BAZ2B: variants seen among roughly 807,000 people sequenced by gnomAD.
BAZ2B encodes bromodomain adjacent to zinc finger domain 2B, also known as bromodomain adjacent to zinc finger domain protein 2B.
A neutral mutation model predicts 246.0 loss-of-function variants in BAZ2B; 91 were observed. The ratio of observed to expected loss-of-function variants is 0.37; its 90% CI spans 0.31 to 0.44. BAZ2B has a LOEUF of 0.44. BAZ2B is among the 20% of genes least tolerant of loss of function. The probability of loss-of-function intolerance (pLI) is 1.00; values close to 1 mark genes in which losing one functional copy is unlikely to be tolerated. For missense variants in BAZ2B, 2,332 were observed against 2,533.7 expected, an observed-to-expected ratio of 0.92 and a Z score of 1.71; for synonymous variants, 855 against 860.0, an observed-to-expected ratio of 0.99 and a Z score of 0.10.
At chr2:159,676,156 G>T in the BAZ2B span, among the ~76,000 whole-genome samples, 1 of 151,570 alleles carries the variant, frequency 6.6e-6, no homozygotes, top group Admixed American at 6.6e-5. Flanking sequence ...GCCTCCCAAA[G>T]CGCTGGGATT....
chr2:159,383,828 A>G (rs2062296014), intron 23 of BAZ2B, 148 bp from the exon 24 acceptor site: 1 of 636,704 alleles, frequency 1.6e-6, no homozygotes. Context: ...ACACGTTCAT[A>G]TATGTATGTG....
intron 13 of BAZ2B, among the ~76,000 whole-genome samples, chr2:159,426,464 A>AT (rs2069903879): frequency 6.6e-6 from 1 of 152,272 alleles, no homozygotes; most frequent in African/African-American, 2.4e-5. Flanking sequence ...TATCGTGTAT[A>AT]CAGAATGTGT....
chr2:159,573,535 C>T (rs1422240609), intron 1 of BAZ2B, among the ~76,000 whole-genome samples: 2 of 152,084 alleles, frequency 1.3e-5, no homozygotes, highest in African/African-American at 4.8e-5. Context: ...ATGACCCAAA[C>T]GTAAGAGGTA....
intron 3 of BAZ2B, among the ~76,000 whole-genome samples, chr2:159,466,507 A>C (rs1367619166): frequency 6.6e-6 from 1 of 152,212 alleles, no homozygotes; most frequent in Non-Finnish European, 1.5e-5. Context: ...AACAACACCA[A>C]ATGTCCAATT....
At chr2:159,669,039 C>T in the BAZ2B span, among the ~76,000 whole-genome samples, 1 of 149,420 alleles carries the variant, frequency 6.7e-6, no homozygotes, top group Non-Finnish European at 1.5e-5. Flanking sequence ...CTGGGCAACA[C>T]AGCAAGAGAC....
chr2:159,360,611 T>A (rs143749311), intron 27 of BAZ2B, among the ~76,000 whole-genome samples: 1 of 152,154 alleles, frequency 6.6e-6, no homozygotes, highest in African/African-American at 2.4e-5. Flanking sequence ...TTAAATTTCA[T>A]ATGGAACCAA....
At chr2:159,534,708 G>A (rs1559714931) in intron 2 of BAZ2B, among the ~76,000 whole-genome samples, 2 of 151,694 alleles carry the variant, frequency 1.3e-5, no homozygotes, top group African/African-American at 4.8e-5. Flanking sequence ...TCAGGTTCAA[G>A]CAATTCTTCT....
At chr2:159,620,119 A>G (rs1196249305), upstream of BAZ2B, among the ~76,000 whole-genome samples, 3 of 152,208 alleles carry the variant, frequency 2.0e-5, no homozygotes, top group Non-Finnish European at 4.4e-5. Context: ...CTTCTTAAAT[A>G]GGTAGATATA....
At chr2:159,373,368 A>C (rs1049809223) in intron 26 of BAZ2B, among the ~76,000 whole-genome samples, 179 bp from the exon 27 acceptor site, 2 of 152,234 alleles carry the variant, frequency 1.3e-5, no homozygotes, top group Non-Finnish European at 2.9e-5. Flanking sequence ...TAAAGATAGA[A>C]ATCATTTTAA....
intron 1 of BAZ2B, among the ~76,000 whole-genome samples, chr2:159,609,228 C>T (rs1349634412): frequency 6.6e-6 from 1 of 152,166 alleles, no homozygotes; most frequent in Non-Finnish European, 1.5e-5. Context: ...ACTGTAAGAG[C>T]ATACCTGTGC....
rs1449199380 is a variant in BAZ2B, at chr2:159,424,665, C to CTG, written c.2466+3274_2466+3275dup. On this transcript the variant is annotated intron_variant, in intron 13 of 36. Transcript: ENST00000392783. ...AATAGGAGAGTGATTAAGAATAGAGCTGTCCCTTAGTATCCAGGACCTCCC... is the reference window on the plus strand; with the variant it reads ...AATAGGAGAGTGATTAAGAATAGAGCTGTGTCCCTTAGTATCCAGGACCTCCC... Among the ~76,000 whole-genome samples the CTG allele has an allele frequency of 3.3e-5, 5 of 152,114 alleles. No homozygotes were observed. In the East Asian group the frequency reaches 9.6e-4, roughly 29 times the overall value.
At chr2:159,453,848 T>C (rs1196769774) in intron 3 of BAZ2B, 47 bp from the exon 4 acceptor site, 1 of 1,418,320 alleles carries the variant, frequency 7.1e-7, no homozygotes, top group Admixed American at 2.6e-5. Context: ...AAAAAACAGA[T>C]GAGACTTATC....
chr2:159,347,177 A>G (rs1244836052), intron 31 of BAZ2B, among the ~76,000 whole-genome samples: 1 of 152,176 alleles, frequency 6.6e-6, no homozygotes. Context: ...GTAGTAAAGA[A>G]CTGCGCATCG....
At chr2:159,409,236 C>T (rs773153225) in intron 14 of BAZ2B, among the ~76,000 whole-genome samples, 1 of 152,150 alleles carries the variant, frequency 6.6e-6, no homozygotes, top group Non-Finnish European at 1.5e-5. Context: ...ATTTTGACAT[C>T]TCTAAGGTCA....
intron 1 of BAZ2B, among the ~76,000 whole-genome samples, chr2:159,565,986 T>C (rs1481225839): frequency 2.6e-5 from 4 of 152,112 alleles, no homozygotes; most frequent in Admixed American, 6.6e-5. Context: ...TAGGCTGCCA[T>C]GTTAAAAATA....
At chr2:159,354,046 A>T (rs1416467053) in intron 27 of BAZ2B, among the ~76,000 whole-genome samples, 2 of 152,214 alleles carry the variant, frequency 1.3e-5, no homozygotes, top group Admixed American at 6.5e-5. Flanking sequence ...CCAGTTAGGG[A>T]CATGTGAAAA....
intron 1 of BAZ2B, among the ~76,000 whole-genome samples, chr2:159,570,100 G>A (rs973551528): frequency 2.0e-5 from 3 of 151,892 alleles, no homozygotes; most frequent in Non-Finnish European, 4.4e-5. Flanking sequence ...CTTATCTATG[G>A]TTTAAAACTT....
chr2:159,413,539 C>T (rs2067156149), intron 13 of BAZ2B, among the ~76,000 whole-genome samples: 1 of 152,036 alleles, frequency 6.6e-6, no homozygotes, highest in Non-Finnish European at 1.5e-5. Flanking sequence ...GAAACCCCGT[C>T]TCTACTAAAA....
Position 159,453,799 on chromosome 2 carries a change from G to C in BAZ2B, c.148C>G (p.His50Asp), listed in dbSNP as rs374461504. 3 of 1,576,190 alleles carry C rather than the reference G, an allele frequency of 1.9e-6. No homozygotes were observed. Among genetic ancestry groups the C allele is most frequent in the South Asian group, 1.2e-5 (1 of 83,836 alleles). Reference sequence around the variant, plus strand: ...TGATCCCCAGCTGTTCTGAATAAATGTCCTGGGAGGGAAAAAAACACACTT... The same window carrying C: ...TGATCCCCAGCTGTTCTGAATAAATCTCCTGGGAGGGAAAAAAACACACTT... ...SLSSTINPCG[H>D]LFRTAGDQPF... Residue 50 changes from histidine (H) to aspartate (D), a missense_variant and splice_region_variant, in exon 4 of 37, where the codon CAT becomes GAT. Physicochemically the swap from His to Asp is moderately conservative, Grantham distance 81. Coordinates refer to ENST00000392783, the MANE Select transcript of BAZ2B (RefSeq NM_013450.4).
Sources: allele counts gnomAD v4.1 joint callset (sites outside exome capture counted in the v4.1 genomes callset), GRCh38; gene constraint gnomAD v4.1.1; transcripts MANE v1.5; gene names NCBI Gene and HGNC (gene_info 2026-07-23, HGNC 2026-07-21).